LDLRAD4: variants seen among roughly 807,000 people sequenced by gnomAD.
LDLRAD4 encodes the protein low density lipoprotein receptor class A domain containing 4.
A neutral mutation model predicts 17.0 loss-of-function variants in LDLRAD4; 5 were observed. The observed-to-expected ratio is 0.29, with a 90% CI of 0.15 to 0.62. LDLRAD4 has a LOEUF of 0.62. LDLRAD4 is among the 20% of genes least tolerant of loss of function. The pLI, the probability that LDLRAD4 is intolerant of heterozygous loss-of-function variation, is 0.84. For missense variants in LDLRAD4, 340 were observed against 424.7 expected (o/e 0.80, Z 1.75); for synonymous variants, 168 against 171.8 (o/e 0.98, Z 0.17).
At chr18:13,225,464 C>T (rs908549468) in intron 1 of LDLRAD4, among the ~76,000 whole-genome samples, 5 of 152,146 alleles carry the variant, frequency 3.3e-5, no homozygotes, top group African/African-American at 4.8e-5. Context: ...GGGGCTAGCC[C>T]GGCATGGGGC....
intron 3 of LDLRAD4, among the ~76,000 whole-genome samples, chr18:13,564,644 G>A (rs539839209): frequency 1.7e-4 from 26 of 150,292 alleles, no homozygotes; most frequent in African/African-American, 4.9e-4. Context: ...GGTCTGAGTC[G>A]TGGCGAGTGC....
intron 2 of LDLRAD4, among the ~76,000 whole-genome samples, chr18:13,415,327 A>G (rs1394095380): frequency 6.6e-6 from 1 of 152,246 alleles, no homozygotes; most frequent in Non-Finnish European, 1.5e-5. Context: ...GACTGGAAGT[A>G]TGACCTTTCT....
At chr18:13,481,873 G>T (rs576807569) in intron 3 of LDLRAD4, among the ~76,000 whole-genome samples, 2 of 152,002 alleles carry the variant, frequency 1.3e-5, no homozygotes, top group Non-Finnish European at 2.9e-5. Flanking sequence ...ATGACAGAGC[G>T]TGAGAGGTGA....
intron 3 of LDLRAD4, among the ~76,000 whole-genome samples, chr18:13,601,485 G>A (rs1302701114): frequency 6.6e-6 from 1 of 151,964 alleles, no homozygotes; most frequent in East Asian, 1.9e-4. Context: ...ATATTGACGA[G>A]GCTGCAGAGA....
chr18:13,340,362 C>T (rs1421048515), intron 1 of LDLRAD4, among the ~76,000 whole-genome samples: 2 of 152,162 alleles, frequency 1.3e-5, no homozygotes, highest in Non-Finnish European at 2.9e-5. Flanking sequence ...TCCACAGGGG[C>T]TGCACCATTT....
chr18:13,476,689 C>T (rs60519394), intron 3 of LDLRAD4, among the ~76,000 whole-genome samples: 8,134 of 152,048 alleles, frequency 0.053, 288 homozygotes, highest in East Asian at 0.12. Context: ...AGGTGGGCCA[C>T]GTGTCCCCTG....
intron 1 of LDLRAD4, among the ~76,000 whole-genome samples, chr18:13,357,243 T>TTTAATTAA (rs139431677): frequency 6.6e-6 from 1 of 152,156 alleles, no homozygotes; most frequent in African/African-American, 2.4e-5. Flanking sequence ...TTCCTTGAAG[T>TTTAATTAA]TTAATTAATT....
chr18:13,593,020 T>A (rs1601598273), intron 3 of LDLRAD4, among the ~76,000 whole-genome samples: 4 of 152,346 alleles, frequency 2.6e-5, no homozygotes, highest in East Asian at 3.8e-4. Context: ...ATTGCTTTTT[T>A]AAAAAATCCA....
intron 3 of LDLRAD4, among the ~76,000 whole-genome samples, chr18:13,568,675 A>T (rs1345976401): frequency 6.6e-6 from 1 of 152,212 alleles, no homozygotes. Flanking sequence ...AAGGCAGAAT[A>T]AAAACGAGTG....
At chr18:13,486,758 A>G (rs2093233464) in intron 3 of LDLRAD4, 1 of 152,210 alleles carries the variant, frequency 6.6e-6, no homozygotes, top group South Asian at 2.1e-4. Flanking sequence ...CCACTGAAGG[A>G]TTCACTTTAA....
At chr18:13,547,322 A>C (rs1277664449) in intron 3 of LDLRAD4, among the ~76,000 whole-genome samples, 1 of 152,236 alleles carries the variant, frequency 6.6e-6, no homozygotes, top group Non-Finnish European at 1.5e-5. Flanking sequence ...GCTACTTGAG[A>C]GTAAAAACAA....
chr18:13,609,028 CA>C (rs35317733), intron 3 of LDLRAD4, among the ~76,000 whole-genome samples: 111,214 of 152,074 alleles, frequency 0.73, 42,082 homozygotes, highest in Non-Finnish European at 0.84. Flanking sequence ...GGTGACTGCA[CA>C]AAACTCATAT....
rs1328939039 is a variant in LDLRAD4 at position 13,313,910 on chromosome 18, A to AT, written c.-383+35728dup. Among the ~76,000 whole-genome samples, 10 of 152,116 alleles carry AT rather than the reference A, an allele frequency of 6.6e-5. No homozygotes were observed. In the South Asian group the frequency reaches 1.9e-3, roughly 28 times the overall value. On this transcript the variant is annotated intron_variant, in intron 1 of 5. Transcript: ENST00000359446. ...TTGTTTGGTTTTTATTTTTATTTTTATTTTTTGCAGTTTATGTGTTGTGAT... is the reference window on the plus strand; with the variant it reads ...TTGTTTGGTTTTTATTTTTATTTTTATTTTTTTGCAGTTTATGTGTTGTGAT...
At chr18:13,411,644 G>A (rs1351550324) in intron 2 of LDLRAD4, among the ~76,000 whole-genome samples, 9 of 152,146 alleles carry the variant, frequency 5.9e-5, no homozygotes, top group Non-Finnish European at 1.2e-4. Context: ...CAGGTAAGAC[G>A]TGACTTTGCT....
chr18:13,228,308 G>A (rs1456004711), intron 1 of LDLRAD4, among the ~76,000 whole-genome samples: 1 of 152,184 alleles, frequency 6.6e-6, no homozygotes, highest in East Asian at 1.9e-4. Context: ...ACAGTCCTTG[G>A]CGGTTCTCCA....
chr18:13,330,243 T>A (rs138592317), intron 1 of LDLRAD4, among the ~76,000 whole-genome samples: 3 of 152,352 alleles, frequency 2.0e-5, no homozygotes, highest in African/African-American at 7.2e-5. Flanking sequence ...ATTACAGGTG[T>A]GAGCCACTGT....
chr18:13,597,504 A>ATTTC (rs968821709), intron 3 of LDLRAD4, among the ~76,000 whole-genome samples: 4 of 56,234 alleles, frequency 7.1e-5, no homozygotes, highest in African/African-American at 2.4e-4. Flanking sequence ...GTTTCTGCTC[A>ATTTC]TTTCTCTCTC....
rs114955380 is a variant in LDLRAD4 at position 13,394,123 on chromosome 18, A to G, written c.40+6361A>G. Among the ~76,000 whole-genome samples, 116 of 152,344 alleles carry G rather than the reference A, an allele frequency of 7.6e-4. 1 individual carries two copies. Among genetic ancestry groups the G allele is most frequent in the African/African-American group, 2.7e-3 (114 of 41,576 alleles). On this transcript the variant is annotated intron_variant, in intron 2 of 5. Coordinates refer to ENST00000359446, the Ensembl canonical transcript of LDLRAD4. ...GAGAGCCATTTGCACATTCTGTGGT[A>G]TGTGTACTTGGTTTTTCCTTCATGC...
chr18:13,225,172 T>C (rs1276589460), intron 1 of LDLRAD4, among the ~76,000 whole-genome samples: 1 of 152,198 alleles, frequency 6.6e-6, no homozygotes, highest in Non-Finnish European at 1.5e-5. Flanking sequence ...TATAGGTAAA[T>C]GAATCATGCA....
Sources: allele counts gnomAD v4.1 joint callset (sites outside exome capture counted in the v4.1 genomes callset), GRCh38; gene constraint gnomAD v4.1.1; transcripts MANE v1.5; gene names NCBI Gene and HGNC (gene_info 2026-07-23, HGNC 2026-07-21).